The following POTEJ variants were observed in gnomAD, a reference collection of about 807,000 sequenced individuals.
POTEJ encodes the protein POTE ankyrin domain family member J, also known as POTE ankyrin domain family, member J.
POTEJ carries 11 observed loss-of-function variants against 69.0 expected under a neutral mutation model. The ratio of observed to expected loss-of-function variants is 0.16; its 90% CI spans 0.10 to 0.26. POTEJ has a LOEUF of 0.26. Among genes scored for constraint, POTEJ ranks in the 10% least tolerant of loss-of-function variants. The pLI is 1.00. For missense variants in POTEJ, 327 were observed against 1,045.5 expected, an observed-to-expected ratio of 0.31 and a Z score of 9.48; for synonymous variants, 117 against 381.1, an observed-to-expected ratio of 0.31 and a Z score of 8.07.
intron 13 of POTEJ, among the ~76,000 whole-genome samples, chr2:130,647,330 T>C (rs2105253308): frequency 6.6e-6 from 1 of 151,424 alleles, no homozygotes; most frequent in East Asian, 1.9e-4. Flanking sequence ...AGTTACTAAA[T>C]TTTTGTTGTC....
chr2:130,636,282 C>T (rs561135758), intron 9 of POTEJ, among the ~76,000 whole-genome samples: 2 of 152,332 alleles, frequency 1.3e-5, no homozygotes, highest in African/African-American at 2.4e-5. Flanking sequence ...CCGTGTACTA[C>T]CCAGACACAT....
intron 8 of POTEJ, among the ~76,000 whole-genome samples, chr2:130,631,818 T>C (rs933888767): frequency 7.0e-6 from 1 of 142,998 alleles, no homozygotes; most frequent in African/African-American, 2.8e-5. Context: ...GATAATTGTA[T>C]GGCTATTCAA....
intron 10 of POTEJ, among the ~76,000 whole-genome samples, chr2:130,642,858 C>A (rs536882791): frequency 6.6e-6 from 1 of 150,972 alleles, no homozygotes; most frequent in East Asian, 1.9e-4. Flanking sequence ...TGCCGTCACC[C>A]TTTCCTGCCC....
rs544312431 is a variant in POTEJ, at chr2:130,626,569, C to T, written c.1015+2435C>T. ...ATTATATGTAAGCAAACAGGCATGA[C>T]TGAGCTCCTATAAAACTTTATTTAC... On this transcript the variant is annotated intron_variant, in intron 6 of 14. Coordinates refer to ENST00000409602, the MANE Select transcript of POTEJ (RefSeq NM_001277083.2). Among the ~76,000 whole-genome samples, 13 of 152,162 alleles carry T rather than the reference C, an allele frequency of 8.5e-5. No homozygotes were observed. The East Asian group carries it at 9.6e-4, about 11-fold the overall frequency.
rs573832275 is a variant in POTEJ at position 130,611,759 on chromosome 2, G to T, written c.227G>T (p.Gly76Val). The stretch of plus-strand genomic sequence containing the variant: ...TGCTTCCCCTGCTGCAGGGGGAGCG[G>T]CAAGAGCAACGTGGGTGCTTGGGGA... ...CHCFPCCRGS[G>V]KSNVGAWGDY... Residue 76 changes from glycine (G) to valine (V), a missense_variant, in exon 1 of 15, where the codon GGC (glycine) becomes GTC (valine). Gly to Val is a moderately radical substitution (Grantham distance 109). Transcript: ENST00000409602. 1 of 1,564,482 alleles carries T rather than the reference G, an allele frequency of 6.4e-7. No individual in the cohort carries two copies. Among genetic ancestry groups the T allele is most frequent in the East Asian group, 2.2e-5 (1 of 44,628 alleles).
intron 10 of POTEJ, among the ~76,000 whole-genome samples, chr2:130,640,940 A>T (rs1295945960): frequency 1.3e-5 from 2 of 152,060 alleles, no homozygotes; most frequent in African/African-American, 2.4e-5. Context: ...GGGAGTCACA[A>T]GATTAAATTT....
intron 9 of POTEJ, among the ~76,000 whole-genome samples, chr2:130,634,990 G>C (rs1686038874): frequency 6.6e-6 from 1 of 151,238 alleles, no homozygotes; most frequent in African/African-American, 2.4e-5. Context: ...GCCAGTGGAG[G>C]GCGTCTCCTC....
At chr2:130,637,539 A>G (rs1686144572) in intron 9 of POTEJ, among the ~76,000 whole-genome samples, 1 of 151,958 alleles carries the variant, frequency 6.6e-6, no homozygotes, top group Non-Finnish European at 1.5e-5. Flanking sequence ...GCTTTAAGGA[A>G]ATGGTGTGAA....
chr2:130,618,774 CTTTTTTT>C (rs1204750696), intron 3 of POTEJ, among the ~76,000 whole-genome samples: 1 of 32,208 alleles, frequency 3.1e-5, no homozygotes, highest in East Asian at 6.7e-4. Context: ...ATTAATCTGA[CTTTTTTT>C]TTTTTTTTTT....
intron 6 of POTEJ, among the ~76,000 whole-genome samples, chr2:130,629,554 G>A (rs1351749103): frequency 6.7e-6 from 1 of 148,824 alleles, no homozygotes; most frequent in Non-Finnish European, 1.5e-5. Context: ...GGCCCTGCTT[G>A]TTACTATCCT....
At chr2:130,614,265 TG>T in intron 1 of POTEJ, among the ~76,000 whole-genome samples, 1 of 152,386 alleles carries the variant, frequency 6.6e-6, no homozygotes, top group Non-Finnish European at 1.5e-5. Flanking sequence ...AAGTTTAAGT[TG>T]CTGCAGCTTT....
chr2:130,638,174 G>A (rs1241397804), intron 9 of POTEJ, among the ~76,000 whole-genome samples: 1 of 150,746 alleles, frequency 6.6e-6, no homozygotes, highest in Non-Finnish European at 1.5e-5. Context: ...TTATTCCATT[G>A]TTTTACTATT....
At chr2:130,636,945 G>A (rs970922424) in intron 9 of POTEJ, among the ~76,000 whole-genome samples, 7 of 146,746 alleles carry the variant, frequency 4.8e-5, no homozygotes, top group South Asian at 2.1e-4. Flanking sequence ...CGGGTGTGGT[G>A]GCATGCGCCT....
At chr2:130,626,681 A>T (rs1276344237) in intron 6 of POTEJ, among the ~76,000 whole-genome samples, 1 of 152,182 alleles carries the variant, frequency 6.6e-6, no homozygotes, top group African/African-American at 2.4e-5. Context: ...AGAAACCAGG[A>T]GACAAAGGAA....
At chr2:130,656,034 A>C (rs1180522488) in intron 14 of POTEJ, among the ~76,000 whole-genome samples, 1 of 144,224 alleles carries the variant, frequency 6.9e-6, no homozygotes, top group Non-Finnish European at 1.5e-5. Context: ...GAAATGTAGA[A>C]TATCGGTAAA....
rs1455309264 is a variant in POTEJ at position 130,627,387 on chromosome 2, T to A, written c.1016-2562T>A. ...CAGACATAGAATGGGACAGATGAAC[T>A]TAATGGATAAAGATGAATATTGGAG... On this transcript the variant is annotated intron_variant, in intron 6 of 14. Transcript: ENST00000409602. 2.8e-5 allele frequency among the ~76,000 whole-genome samples: 4 copies of A among 143,656 alleles called. No homozygotes were observed. In the East Asian group the frequency reaches 7.7e-4, roughly 28 times the overall value. The allele number at this position is 143,656 out of a possible 152,430, so 94.2% of individuals were successfully genotyped here.
At chr2:130,653,242 CT>C (rs1044433818) in intron 13 of POTEJ, among the ~76,000 whole-genome samples, 1 of 144,020 alleles carries the variant, frequency 6.9e-6, no homozygotes, top group East Asian at 1.9e-4. Context: ...ATGTGGCTAT[CT>C]TTTTTTCCCA....
At chr2:130,644,418 C>T (rs1200177739) in intron 11 of POTEJ, among the ~76,000 whole-genome samples, 15 of 151,706 alleles carry the variant, frequency 9.9e-5, no homozygotes, top group Admixed American at 2.6e-4. Context: ...TGCAGTGAGC[C>T]GACATCCACC....
At chr2:130,641,665 T>C (rs1443643085) in intron 10 of POTEJ, among the ~76,000 whole-genome samples, 14 of 151,516 alleles carry the variant, frequency 9.2e-5, no homozygotes, top group Non-Finnish European at 1.5e-5. Context: ...AATTTTCTGG[T>C]GAATACAGGA....
Sources: gnomAD v4.1 joint callset for allele counts (sites outside exome capture counted in the v4.1 genomes callset) on GRCh38, gnomAD v4.1.1 for gene constraint, MANE v1.5 for transcripts, NCBI Gene and HGNC (gene_info 2026-07-23, HGNC 2026-07-21) for gene names.